The following ROCK1 variants were observed in gnomAD, a reference collection of about 807,000 sequenced individuals.
ROCK1 encodes the protein rho-associated protein kinase 1.
ROCK1 carries 36 observed loss-of-function variants against 196.8 expected under a neutral mutation model. That is an observed-to-expected ratio of 0.18 (90% CI 0.14 to 0.24). The LOEUF (loss-of-function observed/expected upper bound fraction) is 0.24. ROCK1 is among the 10% of genes least tolerant of loss of function. The probability of loss-of-function intolerance (pLI) is 1.00; values close to 1 mark genes in which losing one functional copy is unlikely to be tolerated. For missense variants in ROCK1, 920 were observed against 1,562.0 expected (o/e 0.59, Z 6.93); for synonymous variants, 443 against 515.9 (o/e 0.86, Z 1.91).
At chr18:21,032,738 T>C (rs2036020413) in intron 9 of ROCK1, among the ~76,000 whole-genome samples, 1 of 150,550 alleles carries the variant, frequency 6.6e-6, no homozygotes, top group South Asian at 2.1e-4. Context: ...ACCAGGCTGA[T>C]CTCGAACTCC....
chr18:20,954,249 T>TG (rs1342083932), intron 31 of ROCK1, among the ~76,000 whole-genome samples: 39 of 141,150 alleles, frequency 2.8e-4, no homozygotes, highest in Non-Finnish European at 4.1e-4. Context: ...GTTTGTTTGT[T>TG]TTTGTTTGTT....
intron 2 of ROCK1, among the ~76,000 whole-genome samples, chr18:21,061,709 G>A (rs1449307191): frequency 6.6e-6 from 1 of 152,180 alleles, no homozygotes; most frequent in African/African-American, 2.4e-5. Context: ...CATTGAAGGT[G>A]GTGAGGGAAA....
chr18:21,005,004 C>G (rs1380831819), intron 16 of ROCK1, among the ~76,000 whole-genome samples: 1 of 152,130 alleles, frequency 6.6e-6, no homozygotes, highest in Non-Finnish European at 1.5e-5. Context: ...CCCCAAGGGA[C>G]CTGAAACTAT....
intron 22 of ROCK1, among the ~76,000 whole-genome samples, chr18:20,975,009 C>A (rs773259435): frequency 6.6e-6 from 1 of 152,204 alleles, no homozygotes; most frequent in Non-Finnish European, 1.5e-5. Flanking sequence ...CATCACAATG[C>A]TGCAGTTACA....
At chr18:21,035,950 T>G (rs1448459643) in intron 9 of ROCK1, among the ~76,000 whole-genome samples, 1 of 152,186 alleles carries the variant, frequency 6.6e-6, no homozygotes, top group Non-Finnish European at 1.5e-5. Flanking sequence ...TAGTTTAGGA[T>G]GACGAAAAAG....
intron 22 of ROCK1, among the ~76,000 whole-genome samples, chr18:20,976,286 C>A (rs1338890056): frequency 6.6e-6 from 1 of 152,170 alleles, no homozygotes; most frequent in Non-Finnish European, 1.5e-5. Flanking sequence ...ATTCCATATT[C>A]TTCTGGATTA....
At chr18:21,088,080 G>A (rs1196556752) in intron 1 of ROCK1, among the ~76,000 whole-genome samples, 4 of 152,180 alleles carry the variant, frequency 2.6e-5, no homozygotes, top group Non-Finnish European at 5.9e-5. Context: ...CAAAGGGAAA[G>A]CCTCAAAGGA....
chr18:20,975,754 G>T (rs1468222714), intron 22 of ROCK1, among the ~76,000 whole-genome samples: 7 of 152,082 alleles, frequency 4.6e-5, no homozygotes, highest in Non-Finnish European at 5.9e-5. Flanking sequence ...GGGACTACAG[G>T]CACCTGCCAC....
At chr18:21,021,174 T>C (rs1036028505) in intron 11 of ROCK1, among the ~76,000 whole-genome samples, 3 of 152,188 alleles carry the variant, frequency 2.0e-5, no homozygotes, top group Admixed American at 6.5e-5. Flanking sequence ...AATACCATTA[T>C]GAAAGACAGC....
At chr18:20,958,793 T>C (rs548328446) in intron 29 of ROCK1, among the ~76,000 whole-genome samples, 2 of 146,670 alleles carry the variant, frequency 1.4e-5, no homozygotes, top group South Asian at 4.2e-4. Context: ...CATAATACAG[T>C]ATAAATGCGA....
intron 9 of ROCK1, among the ~76,000 whole-genome samples, chr18:21,034,131 A>G (rs889891800): frequency 2.0e-5 from 3 of 152,000 alleles, no homozygotes; most frequent in Non-Finnish European, 4.4e-5. Flanking sequence ...AAACTTAAAA[A>G]CGTTGCTGAA....
intron 1 of ROCK1, among the ~76,000 whole-genome samples, chr18:21,092,477 G>C (rs192013025): frequency 3.4e-4 from 51 of 151,250 alleles, no homozygotes; most frequent in African/African-American, 1.2e-3. Context: ...CCAGCTACTC[G>C]GGAGGCTGAG....
At chr18:20,991,084 G>A (rs1486239799) in intron 18 of ROCK1, 92 bp downstream of exon 18, 23 of 936,882 alleles carry the variant, frequency 2.5e-5, no homozygotes, top group African/African-American at 5.0e-5. Context: ...TACTTTCTAC[G>A]AGTTAAAGAG....
At chr18:20,983,363 C>A (rs1234264356) in intron 20 of ROCK1, among the ~76,000 whole-genome samples, 1 of 149,534 alleles carries the variant, frequency 6.7e-6, no homozygotes, top group African/African-American at 2.5e-5. Context: ...AAAGCAAGAA[C>A]AACAAACTGA....
intron 27 of ROCK1, among the ~76,000 whole-genome samples, chr18:20,963,744 C>T (rs1278006913): frequency 6.6e-6 from 1 of 152,090 alleles, no homozygotes; most frequent in East Asian, 1.9e-4. Flanking sequence ...ACAGTTATCA[C>T]ATTAAAGTTT....
chr18:21,008,495 A>G (rs1454602670), intron 13 of ROCK1, among the ~76,000 whole-genome samples: 1 of 151,856 alleles, frequency 6.6e-6, no homozygotes, highest in Non-Finnish European at 1.5e-5. Flanking sequence ...CTGGTTTTGA[A>G]CTCTTGACCT....
At chr18:21,015,517 T>C in intron 12 of ROCK1, 38 bp from the exon 13 acceptor site, 11 of 1,266,294 alleles carry the variant, frequency 8.7e-6, no homozygotes, top group Non-Finnish European at 1.3e-5. Flanking sequence ...GAAATATACG[T>C]ATTTCTTATT....
intron 13 of ROCK1, among the ~76,000 whole-genome samples, chr18:21,013,161 T>C (rs565478833): frequency 1.4e-4 from 21 of 152,390 alleles, no homozygotes; most frequent in African/African-American, 5.0e-4. Context: ...GTTCTGATTA[T>C]GATGAGCAGT....
chr18:20,973,270 A>T (rs1390145048), intron 22 of ROCK1, among the ~76,000 whole-genome samples: 1 of 151,856 alleles, frequency 6.6e-6, no homozygotes, highest in East Asian at 2.0e-4. Context: ...AGAAAAGATA[A>T]GAGAATTGTT....
Sources: allele counts gnomAD v4.1 joint callset (sites outside exome capture counted in the v4.1 genomes callset), GRCh38; gene constraint gnomAD v4.1.1; transcripts MANE v1.5; gene names NCBI Gene and HGNC (gene_info 2026-07-23, HGNC 2026-07-21).